Variants in FBXO40 observed in about 807,000 individuals in gnomAD.
FBXO40 encodes F-box protein 40.
In FBXO40, 50 loss-of-function variants were observed where a neutral mutation model predicts 49.9. That is an observed-to-expected ratio of 1.00 (90% CI 0.80 to 1.27). FBXO40 has a LOEUF of 1.27. Among genes scored for constraint, FBXO40 ranks in the 50% most tolerant of loss-of-function variants. The pLI is 0.00. For missense variants in FBXO40, 895 were observed against 870.1 expected (o/e 1.03, Z -0.36); for synonymous variants, 340 against 320.2 (o/e 1.06, Z -0.66).
chr3:121,621,925 G>A lies in FBXO40; in HGVS notation c.496G>A (p.Val166Met). Reference sequence around the variant, plus strand: ...ACCAACTATGAATGGTGAAACCAGTGTGGAGGAAATGGGAGGAGCAGTGGG... The same window carrying A: ...ACCAACTATGAATGGTGAAACCAGTATGGAGGAAATGGGAGGAGCAGTGGG... ...EEPTMNGETS[V>M]EEMGGAVGGV... The change falls in exon 3 of 4, where the codon GTG becomes ATG. Residue 166 changes from valine to methionine, a missense_variant. Physicochemically the swap from Val to Met is conservative, Grantham distance 21. Coordinates refer to ENST00000338040, the MANE Select transcript of FBXO40 (RefSeq NM_016298.4). The A allele has an allele frequency of 1.2e-6, 2 of 1,614,224 alleles. No homozygotes were observed. Among genetic ancestry groups the A allele is most frequent in the Non-Finnish European group, 1.7e-6 (2 of 1,180,046 alleles).
chr3:121,596,659 T>C (rs1437699272), intron 1 of FBXO40, among the ~76,000 whole-genome samples: 2 of 152,092 alleles, frequency 1.3e-5, no homozygotes, highest in African/African-American at 4.8e-5. Flanking sequence ...AGTACTTTAA[T>C]CCCCTGCAAA....
Position 121,626,977 on chromosome 3 carries a change from T to C in FBXO40, c.*67T>C, listed in dbSNP as rs1479264661. On this transcript the variant is annotated 3_prime_UTR_variant, in exon 4 of 4. Transcript: ENST00000338040. ...TCGGAGTTCCTGAAGTAGGACAGAG[T>C]GTGTGGTTTTGAGGACTCCCTTCTG... 3 of 1,503,390 alleles carry C rather than the reference T, an allele frequency of 2.0e-6. No individual in the cohort carries two copies. The highest frequency in any genetic ancestry group is 2.8e-6 in the Non-Finnish European group (3 of 1,088,068). The allele number at this position is 1,503,390 out of a possible 1,614,324, so 93.1% of individuals were successfully genotyped here.
chr3:121,610,731 C>T (rs2048959735), intron 1 of FBXO40, among the ~76,000 whole-genome samples: 1 of 152,092 alleles, frequency 6.6e-6, no homozygotes, highest in South Asian at 2.1e-4. Flanking sequence ...CCTCCGCCTC[C>T]CAGATTCAGG....
In FBXO40 at chr3:121,626,728, A is replaced by G; in HGVS notation, c.1948A>G (p.Lys650Glu). 6.2e-7 allele frequency: 1 copy of G among 1,614,164 alleles called. No homozygotes were observed. Among genetic ancestry groups the G allele is most frequent in the South Asian group, 1.1e-5 (1 of 91,068 alleles). Residue 650 changes from lysine (K) to glutamate (E), a missense_variant, in exon 4 of 4, where the codon AAG becomes GAG. By Grantham distance (56) the Lys-to-Glu change is moderately conservative. Coordinates refer to ENST00000338040, the MANE Select transcript of FBXO40 (RefSeq NM_016298.4). ...WQFSSLFSKI[K>E]SWEFNEVTSM... ...GTTCAGCAGCCTCTTCTCCAAAATC[A>G]AGAGCTGGGAGTTTAATGAAGTCAC...
At chr3:121,596,099 A>G (rs11719547) in intron 1 of FBXO40, among the ~76,000 whole-genome samples, 54,437 of 152,074 alleles carry the variant, frequency 0.36, 10,263 homozygotes, top group East Asian at 0.64. Context: ...TGCTTGAGTC[A>G]GTGATTTAAA....
Position 121,626,978 on chromosome 3 carries a change from G to A in FBXO40, c.*68G>A, listed in dbSNP as rs989482170. ...CGGAGTTCCTGAAGTAGGACAGAGT[G>A]TGTGGTTTTGAGGACTCCCTTCTGT... On this transcript the variant is annotated 3_prime_UTR_variant, in exon 4 of 4. Transcript: ENST00000338040. 6.6e-7 allele frequency: 1 copy of A among 1,504,416 alleles called. No homozygotes were observed. Among genetic ancestry groups the A allele is most frequent in the Non-Finnish European group, 9.2e-7 (1 of 1,089,104 alleles). The allele number at this position is 1,504,416 out of a possible 1,614,324, so 93.2% of individuals were successfully genotyped here.
intron 1 of FBXO40, among the ~76,000 whole-genome samples, chr3:121,599,674 GCACACACACACACACA>G (rs757324448): frequency 3.0e-5 from 3 of 99,596 alleles, no homozygotes; most frequent in Admixed American, 1.4e-4. Flanking sequence ...ACACACACAT[GCACACACACACACACA>G]CACACACACA....
intron 1 of FBXO40, among the ~76,000 whole-genome samples, chr3:121,613,970 T>C (rs2048982496): frequency 6.6e-6 from 1 of 151,668 alleles, no homozygotes; most frequent in Non-Finnish European, 1.5e-5. Context: ...CTGTCTTTAC[T>C]AAAAATACAA....
At chr3:121,605,185 C>A (rs1035413231) in intron 1 of FBXO40, among the ~76,000 whole-genome samples, 17 of 152,090 alleles carry the variant, frequency 1.1e-4, no homozygotes, top group African/African-American at 4.1e-4. Flanking sequence ...GATTCATCCA[C>A]CTCGGCCTCC....
chr3:121,630,241 C>G lies in FBXO40; in HGVS notation c.*3331C>G, dbSNP rs1034323369. The G allele has an allele frequency of 1.3e-5, 2 of 152,160 alleles. No individual in the cohort carries two copies. The highest frequency in any genetic ancestry group is 2.9e-5 in the Non-Finnish European group (2 of 68,044). 9.4% of individuals were successfully genotyped at this position (152,160 alleles called of 1,614,324 possible). A position where few individuals can be genotyped will look rare whatever the true frequency, so the allele number is the denominator to read the frequency against. ...ATCTGTGGTGACTGACCTCTGTATA[C>G]TAGAAACCTCAACATCTCTAGAAGA... On this transcript the variant is annotated 3_prime_UTR_variant, in exon 4 of 4. Transcript: ENST00000338040.
At chr3:121,597,658 C>CT (rs137900064) in intron 1 of FBXO40, among the ~76,000 whole-genome samples, 36,016 of 126,980 alleles carry the variant, frequency 0.28, 5,670 homozygotes, top group Middle Eastern at 0.36. Flanking sequence ...TTATAGGCCC[C>CT]CTTTTTTTTT....
chr3:121,613,644 G>C (rs1397438286), intron 1 of FBXO40, among the ~76,000 whole-genome samples: 1 of 152,100 alleles, frequency 6.6e-6, no homozygotes, highest in Non-Finnish European at 1.5e-5. Flanking sequence ...TTTCTTAAAG[G>C]GCGTTTCTAA....
chr3:121,600,300 A>G (rs1038285816), intron 1 of FBXO40, among the ~76,000 whole-genome samples: 1 of 149,760 alleles, frequency 6.7e-6, no homozygotes, highest in African/African-American at 2.5e-5. Context: ...TGGCCTCCCA[A>G]TGTGCTGAGA....
chr3:121,600,123 C>T (rs150503944), intron 1 of FBXO40, among the ~76,000 whole-genome samples: 1 of 151,842 alleles, frequency 6.6e-6, no homozygotes, highest in East Asian at 1.9e-4. Context: ...TTCAATCTCC[C>T]AGGCTCAAGC....
At chr3:121,600,664 G>T (rs1202833180) in intron 1 of FBXO40, among the ~76,000 whole-genome samples, 1 of 152,214 alleles carries the variant, frequency 6.6e-6, no homozygotes, top group East Asian at 1.9e-4. Flanking sequence ...AGGGCCAAGT[G>T]TGATGTAGCA....
Position 121,623,270 on chromosome 3 carries a change from G to A in FBXO40, c.1841G>A (p.Arg614Lys), listed in dbSNP as rs769585447. The change falls in exon 3 of 4, where the codon AGA becomes AAA. Residue 614 changes from arginine (R) to lysine (K), a missense_variant. Physicochemically the swap from Arg to Lys is conservative, Grantham distance 26 (BLOSUM62 2). Transcript: ENST00000338040. ...RNICATLLQE[R>K]GMVLLQWKKK... Reference sequence around the variant, plus strand: ...ATCTGTGCCACTTTGTTACAAGAGAGAGGAATGGTCCTTTTGCAATGGAAG... The same window carrying A: ...ATCTGTGCCACTTTGTTACAAGAGAAAGGAATGGTCCTTTTGCAATGGAAG... 63 of 1,614,102 alleles carry A rather than the reference G, an allele frequency of 3.9e-5. No homozygotes were observed. Among genetic ancestry groups the A allele is most frequent in the Admixed American group, 8.3e-5 (5 of 60,006 alleles).
chr3:121,626,830 A>G lies in FBXO40; in HGVS notation c.2050A>G (p.Met684Val). The G allele has an allele frequency of 2.5e-6, 4 of 1,614,174 alleles. No homozygotes were observed. The highest frequency in any genetic ancestry group is 2.5e-6 in the Non-Finnish European group (3 of 1,180,032). ...AACTGACCCGATTCTTTTGACTAGC[A>G]TGTGTCAGCCCCGTGAGCAGGCCCG... ...HKTDPILLTS[M>V]CQPREQARES... Residue 684 changes from methionine (M) to valine (V), a missense_variant, in exon 4 of 4, where the codon ATG becomes GTG. Met to Val is a conservative substitution (Grantham distance 21). Coordinates refer to ENST00000338040, the MANE Select transcript of FBXO40 (RefSeq NM_016298.4).
At chr3:121,618,489 C>T (rs2049011187) in intron 1 of FBXO40, among the ~76,000 whole-genome samples, 1 of 143,010 alleles carries the variant, frequency 7.0e-6, no homozygotes, top group South Asian at 2.3e-4. Flanking sequence ...TGGGTTAAAA[C>T]AATTCTCCTG....
intron 1 of FBXO40, among the ~76,000 whole-genome samples, chr3:121,619,534 G>A (rs1464011945): frequency 2.6e-5 from 4 of 151,950 alleles, no homozygotes; most frequent in African/African-American, 7.3e-5. Flanking sequence ...TTTTTATTTC[G>A]ATATATTATG....
Sources: gnomAD v4.1 joint callset for allele counts (sites outside exome capture counted in the v4.1 genomes callset) on GRCh38, gnomAD v4.1.1 for gene constraint, MANE v1.5 for transcripts, NCBI Gene and HGNC (gene_info 2026-07-23, HGNC 2026-07-21) for gene names.